Variants in DIAPH3 observed in about 807,000 individuals in gnomAD.
DIAPH3 encodes the protein protein diaphanous homolog 3.
In DIAPH3, 117 loss-of-function variants were observed where a neutral mutation model predicts 144.3. The observed-to-expected ratio is 0.81, with a 90% CI of 0.70 to 0.95. DIAPH3 has a LOEUF of 0.95. Ranked by LOEUF, DIAPH3 falls within the 40% of genes least tolerant of loss-of-function variation. The probability of loss-of-function intolerance (pLI) is 0.00; values close to 1 mark genes in which losing one functional copy is unlikely to be tolerated. For missense variants in DIAPH3, 1,421 were observed against 1,412.7 expected, an observed-to-expected ratio of 1.01 and a Z score of -0.09; for synonymous variants, 519 against 488.9, an observed-to-expected ratio of 1.06 and a Z score of -0.81.
At chr13:59,992,435 T>C (rs1179806993) in intron 10 of DIAPH3, 38 bp downstream of exon 10, 1 of 1,500,112 alleles carries the variant, frequency 6.7e-7, no homozygotes, top group Admixed American at 1.7e-5. Flanking sequence ...AGTACTCTTT[T>C]AATTTAAATA....
intron 5 of DIAPH3, among the ~76,000 whole-genome samples, chr13:60,024,663 T>C (rs1269539394): frequency 6.6e-6 from 1 of 152,250 alleles, no homozygotes; most frequent in Non-Finnish European, 1.5e-5. Flanking sequence ...GGTATGACCA[T>C]ATTTTTTATA....
At chr13:59,953,337 G>A (rs1222243688) in intron 17 of DIAPH3, among the ~76,000 whole-genome samples, 14 of 152,104 alleles carry the variant, frequency 9.2e-5, no homozygotes, top group African/African-American at 3.1e-4. Context: ...GCCAAGGAGT[G>A]GGAGAATAAA....
chr13:59,958,719 ATTT>A (rs2049558209), intron 17 of DIAPH3, among the ~76,000 whole-genome samples: 1 of 151,988 alleles, frequency 6.6e-6, no homozygotes, highest in African/African-American at 2.4e-5. Flanking sequence ...TAAATATAAT[ATTT>A]TGAAAAGGAA....
At chr13:60,111,092 C>T (rs2138060153) in intron 3 of DIAPH3, among the ~76,000 whole-genome samples, 1 of 152,234 alleles carries the variant, frequency 6.6e-6, no homozygotes, top group African/African-American at 2.4e-5. Flanking sequence ...ATCCTGAAAT[C>T]TCATGGATGG....
intron 18 of DIAPH3, among the ~76,000 whole-genome samples, chr13:59,917,565 A>G (rs368215918): frequency 4.6e-5 from 7 of 152,238 alleles, no homozygotes; most frequent in African/African-American, 1.4e-4. Flanking sequence ...ATATCCCAAG[A>G]ACAAGATGAA....
Position 60,149,496 on chromosome 13 carries a change from A to G in DIAPH3, c.180+14091T>C, listed in dbSNP as rs187620135. 3.3e-3 allele frequency among the ~76,000 whole-genome samples: 501 copies of G among 152,296 alleles called. 2 individuals carry two copies. The highest frequency in any genetic ancestry group is 0.011 in the African/African-American group (461 of 41,546). Reference sequence around the variant, plus strand: ...CTAGGTGCAGTGGCTCACATCTACAATCCCAGCACTTTAAGAGGCTGAGGT... The same window carrying G: ...CTAGGTGCAGTGGCTCACATCTACAGTCCCAGCACTTTAAGAGGCTGAGGT... On this transcript the variant is annotated intron_variant, in intron 1 of 27. Transcript: ENST00000400324.
intron 9 of DIAPH3, among the ~76,000 whole-genome samples, chr13:59,995,974 G>T (rs563811396): frequency 2.0e-5 from 3 of 152,096 alleles, no homozygotes; most frequent in Admixed American, 6.6e-5. Context: ...TAAAGAAAAA[G>T]AAAAGTTAAA....
intron 12 of DIAPH3, among the ~76,000 whole-genome samples, chr13:59,988,127 G>C (rs1000408074): frequency 1.3e-5 from 2 of 151,790 alleles, no homozygotes; most frequent in African/African-American, 4.8e-5. Flanking sequence ...CTTAACACTA[G>C]CAAAGATGAC....
At chr13:59,734,961 A>T (rs1376945234) in intron 27 of DIAPH3, among the ~76,000 whole-genome samples, 10 of 152,204 alleles carry the variant, frequency 6.6e-5, no homozygotes, top group African/African-American at 2.2e-4. Flanking sequence ...AGTCACTAAA[A>T]CTTTGAAAGA....
chr13:60,019,022 A>G (rs750413104), intron 5 of DIAPH3, among the ~76,000 whole-genome samples: 2 of 152,090 alleles, frequency 1.3e-5, no homozygotes, highest in Non-Finnish European at 2.9e-5. Flanking sequence ...TTTCACCCTC[A>G]CCCCTACTAT....
intron 18 of DIAPH3, 89 bp downstream of exon 18, chr13:59,924,685 CA>C (rs2140302628): frequency 6.7e-7 from 1 of 1,499,146 alleles, no homozygotes; most frequent in African/African-American, 1.4e-5. Context: ...ATGAAAATAG[CA>C]AATAATGAAT....
At position 59,666,769 on chromosome 13, in the gene DIAPH3, C is replaced by T. The variant is rs188721921; in HGVS notation, c.3397G>A (p.Ala1133Thr). ...INCNSTRTPV[A>T]KELNYNLDTH... is the part of the protein sequence containing the mutation. The stretch of plus-strand genomic sequence containing the variant: ...TCTAGATTATAATTAAGCTCCTTGG[C>T]GACTGGAGTCCTTGTTGAGTTGCAA... The change falls in exon 28 of 28, where the codon GCC becomes ACC. Residue 1133 changes from alanine (A) to threonine (T), a missense_variant. Coordinates refer to ENST00000400324, the MANE Select transcript of DIAPH3 (RefSeq NM_001042517.2). The T allele has an allele frequency of 8.1e-6, 13 of 1,614,100 alleles. No homozygotes were observed. The East Asian group carries it at 8.9e-5, about 11-fold the overall frequency.
At chr13:60,154,265 A>G (rs1951924920) in intron 1 of DIAPH3, among the ~76,000 whole-genome samples, 2 of 152,190 alleles carry the variant, frequency 1.3e-5, no homozygotes, top group African/African-American at 4.8e-5. Flanking sequence ...AGAGGTTACA[A>G]TGAGCCAGGT....
intron 25 of DIAPH3, among the ~76,000 whole-genome samples, chr13:59,775,335 C>A (rs754431387): frequency 6.6e-6 from 1 of 152,058 alleles, no homozygotes; most frequent in Non-Finnish European, 1.5e-5. Context: ...CCCTGCCTTC[C>A]AGGTTTACGC....
At chr13:59,793,643 T>C (rs1349256623) in intron 25 of DIAPH3, among the ~76,000 whole-genome samples, 1 of 152,228 alleles carries the variant, frequency 6.6e-6, no homozygotes, top group Admixed American at 6.5e-5. Flanking sequence ...GGGATCTTCT[T>C]ACTCTGCTCA....
At chr13:59,882,703 GTAAGCTAGT>G (rs2045151127) in intron 20 of DIAPH3, among the ~76,000 whole-genome samples, 1 of 152,132 alleles carries the variant, frequency 6.6e-6, no homozygotes, top group South Asian at 2.1e-4. Context: ...AACATAAAAT[GTAAGCTAGT>G]TAATAATTAG....
chr13:60,064,184 G>A (rs2056873369), intron 4 of DIAPH3, among the ~76,000 whole-genome samples: 1 of 152,122 alleles, frequency 6.6e-6, no homozygotes, highest in African/African-American at 2.4e-5. Context: ...TTTTGGAATG[G>A]TAATTGAGCA....
At chr13:59,911,180 T>C (rs2046979894) in intron 20 of DIAPH3, among the ~76,000 whole-genome samples, 1 of 152,154 alleles carries the variant, frequency 6.6e-6, no homozygotes, top group Admixed American at 6.5e-5. Context: ...TAAGTTGTAA[T>C]ACATTTAATA....
At chr13:60,005,985 G>A (rs1383910695) in intron 9 of DIAPH3, among the ~76,000 whole-genome samples, 1 of 151,918 alleles carries the variant, frequency 6.6e-6, no homozygotes, top group Non-Finnish European at 1.5e-5. Context: ...GATATTTACT[G>A]ACTAAATATA....
Sources: gnomAD v4.1 joint callset for allele counts (sites outside exome capture counted in the v4.1 genomes callset) on GRCh38, gnomAD v4.1.1 for gene constraint, MANE v1.5 for transcripts, NCBI Gene and HGNC (gene_info 2026-07-23, HGNC 2026-07-21) for gene names.